The following SGMS2 variants were observed in gnomAD, a reference collection of about 807,000 sequenced individuals.
The protein encoded by SGMS2 is sphingomyelin synthase 2, also known as phosphatidylcholine:ceramide cholinephosphotransferase 2.
SGMS2 carries 21 observed loss-of-function variants against 43.8 expected under a neutral mutation model. The observed-to-expected ratio is 0.48, with a 90% CI of 0.34 to 0.69. The LOEUF (loss-of-function observed/expected upper bound fraction) is 0.69. Among genes scored for constraint, SGMS2 ranks in the 30% least tolerant of loss-of-function variants. The pLI is 0.01. For missense variants in SGMS2, 384 were observed against 443.2 expected, an observed-to-expected ratio of 0.87 and a Z score of 1.20; for synonymous variants, 167 against 160.6, an observed-to-expected ratio of 1.04 and a Z score of -0.30.
At chr4:107,899,132 C>T (rs570479863) in intron 3 of SGMS2, among the ~76,000 whole-genome samples, 1 of 152,268 alleles carries the variant, frequency 6.6e-6, no homozygotes, top group African/African-American at 2.4e-5. Context: ...CACCTTGGCT[C>T]ATTAGTTAAT....
At chr4:107,836,514 T>C (rs1380675826) in intron 1 of SGMS2, among the ~76,000 whole-genome samples, 1 of 152,210 alleles carries the variant, frequency 6.6e-6, no homozygotes, top group African/African-American at 2.4e-5. Context: ...AATGTTTAGA[T>C]TATTTGATTC....
In SGMS2 at chr4:107,826,928, G is replaced by A. The variant is rs375678959; in HGVS notation, c.-327+1675G>A. Among the ~76,000 whole-genome samples the A allele has an allele frequency of 3.3e-5, 5 of 152,324 alleles. No individual in the cohort carries two copies. In the East Asian group the frequency reaches 5.8e-4, roughly 18 times the overall value. On this transcript the variant is annotated intron_variant, in intron 1 of 6. Transcript: ENST00000690982. ...CTGGGAGCTGTCCTACGACAGTACCGTGTAGTGAGATCATGGACATGGGAA... is the reference window on the plus strand; with the variant it reads ...CTGGGAGCTGTCCTACGACAGTACCATGTAGTGAGATCATGGACATGGGAA...
chr4:107,835,482 A>T, intron 1 of SGMS2, among the ~76,000 whole-genome samples: 1 of 152,174 alleles, frequency 6.6e-6, no homozygotes, highest in East Asian at 1.9e-4. Context: ...GAGGATAGGA[A>T]GTTTTGGTCT....
intron 1 of SGMS2, among the ~76,000 whole-genome samples, chr4:107,830,512 G>A (rs549533445): frequency 1.3e-5 from 2 of 152,118 alleles, no homozygotes; most frequent in South Asian, 2.1e-4. Flanking sequence ...CAGTATATAA[G>A]TGTTCCCTTT....
intron 2 of SGMS2, among the ~76,000 whole-genome samples, chr4:107,881,720 T>A (rs756428255): frequency 3.3e-5 from 5 of 152,112 alleles, no homozygotes; most frequent in Non-Finnish European, 5.9e-5. Context: ...CTAACTATAT[T>A]TTTTTACCCA....
chr4:107,862,768 T>C (rs1164881154), intron 2 of SGMS2, among the ~76,000 whole-genome samples: 4 of 152,216 alleles, frequency 2.6e-5, no homozygotes, highest in Non-Finnish European at 2.9e-5. Context: ...TTCTGCCTTA[T>C]ATCCGACTGT....
rs905989242 is a variant in SGMS2, at chr4:107,914,881, C to T, written c.*4328C>T. On this transcript the variant is annotated 3_prime_UTR_variant, in exon 7 of 7. Coordinates refer to ENST00000690982, the MANE Select transcript of SGMS2 (RefSeq NM_001375905.1). ...CTTCTATAATGTTGTCTTACATTTACATTTTTAAGTGCCTAATTGTTAAAA... is the reference window on the plus strand; with the variant it reads ...CTTCTATAATGTTGTCTTACATTTATATTTTTAAGTGCCTAATTGTTAAAA... 1.3e-5 allele frequency: 2 copies of T among 152,090 alleles called. No homozygotes were observed. Among genetic ancestry groups the T allele is most frequent in the African/African-American group, 4.8e-5 (2 of 41,432 alleles). The allele number at this position is 152,090 out of a possible 1,614,324, so 9.4% of individuals were successfully genotyped here. A position where few individuals can be genotyped will look rare whatever the true frequency, so the allele number is the denominator to read the frequency against.
intron 3 of SGMS2, among the ~76,000 whole-genome samples, chr4:107,897,233 G>T (rs1031918539): frequency 6.6e-6 from 1 of 152,178 alleles, no homozygotes; most frequent in African/African-American, 2.4e-5. Flanking sequence ...TCCACAAACT[G>T]CAGTCATTCC....
chr4:107,854,626 G>C (rs1297438050), intron 1 of SGMS2, among the ~76,000 whole-genome samples: 1 of 152,162 alleles, frequency 6.6e-6, no homozygotes, highest in African/African-American at 2.4e-5. Flanking sequence ...CAGAGATCTG[G>C]AACTGTCTCC....
At chr4:107,849,048 G>C (rs74851418) in intron 1 of SGMS2, among the ~76,000 whole-genome samples, 1 of 151,964 alleles carries the variant, frequency 6.6e-6, no homozygotes, top group Non-Finnish European at 1.5e-5. Flanking sequence ...ATGGAAGTCG[G>C]GTTGTTCAGC....
At chr4:107,890,217 G>A (rs933979344) in intron 2 of SGMS2, among the ~76,000 whole-genome samples, 1 of 152,108 alleles carries the variant, frequency 6.6e-6, no homozygotes, top group Non-Finnish European at 1.5e-5. Context: ...GGAGAAACAG[G>A]TTTCTCCCCG....
intron 1 of SGMS2, among the ~76,000 whole-genome samples, chr4:107,826,653 GT>G (rs113271634): frequency 2.0e-4 from 29 of 146,592 alleles, no homozygotes; most frequent in East Asian, 8.0e-4. Flanking sequence ...TGGTTGAAGT[GT>G]TTTTTTTTTT....
intron 2 of SGMS2, among the ~76,000 whole-genome samples, chr4:107,887,423 T>C (rs894841520): frequency 6.6e-6 from 1 of 152,228 alleles, no homozygotes; most frequent in African/African-American, 2.4e-5. Flanking sequence ...TTAAGTCATA[T>C]CAGAATTATG....
intron 2 of SGMS2, among the ~76,000 whole-genome samples, chr4:107,859,273 A>G (rs1264694426): frequency 3.3e-5 from 5 of 151,376 alleles, no homozygotes; most frequent in Admixed American, 3.3e-4. Flanking sequence ...GTTTTTTTTT[A>G]CTTTTTATCA....
At chr4:107,908,846 T>G (rs1266112641) in intron 6 of SGMS2, 115 bp downstream of exon 6, 1 of 839,844 alleles carries the variant, frequency 1.2e-6, no homozygotes, top group Non-Finnish European at 1.9e-6. Flanking sequence ...CACATTCACT[T>G]AAACATATAT....
chr4:107,893,181 A>C (rs1270995174), intron 2 of SGMS2: 1 of 152,186 alleles, frequency 6.6e-6, no homozygotes, highest in Non-Finnish European at 1.5e-5. Flanking sequence ...AAAAAAAAGA[A>C]AAAAGGTTAC....
At chr4:107,867,058 T>C (rs188359230) in intron 2 of SGMS2, 4 of 152,128 alleles carry the variant, frequency 2.6e-5, no homozygotes, top group Non-Finnish European at 5.9e-5. Context: ...AGATTTTGGG[T>C]AACCCCTCTA....
chr4:107,835,654 G>T (rs946094565), intron 1 of SGMS2, among the ~76,000 whole-genome samples: 2 of 152,070 alleles, frequency 1.3e-5, no homozygotes, highest in Non-Finnish European at 2.9e-5. Flanking sequence ...TTGCTTTGTC[G>T]TGCCAGTATC....
At position 107,913,565 on chromosome 4, in the gene SGMS2, ATT is replaced by A. The variant is rs1732260830; in HGVS notation, c.*3014_*3015del. On this transcript the variant is annotated 3_prime_UTR_variant, in exon 7 of 7. Coordinates refer to ENST00000690982, the MANE Select transcript of SGMS2 (RefSeq NM_001375905.1). ...GCCTGTTTTCAAGTTTTTGAAAGGC[ATT>A]TGTTTTCTGTTGTTTGCCAATAATC... The A allele has an allele frequency of 1.3e-5, 2 of 152,178 alleles. No homozygotes were observed. Among genetic ancestry groups the A allele is most frequent in the Admixed American group, 6.5e-5 (1 of 15,268 alleles). 9.4% of individuals were successfully genotyped at this position (152,178 alleles called of 1,614,324 possible).
Sources: allele counts gnomAD v4.1 joint callset (sites outside exome capture counted in the v4.1 genomes callset), GRCh38; gene constraint gnomAD v4.1.1; transcripts MANE v1.5; gene names NCBI Gene and HGNC (gene_info 2026-07-23, HGNC 2026-07-21).